EVC2: variants seen among roughly 807,000 people sequenced by gnomAD.
EVC2 encodes the protein EvC ciliary complex subunit 2, also known as limbin.
A neutral mutation model predicts 149.3 loss-of-function variants in EVC2; 148 were observed. That is an observed-to-expected ratio of 0.99 (90% CI 0.87 to 1.14). The LOEUF (loss-of-function observed/expected upper bound fraction) is 1.14. EVC2 is among the 50% of genes most tolerant of loss of function. The pLI is 0.00. For missense variants in EVC2, 1,854 were observed against 1,627.3 expected (o/e 1.14, Z -2.40); for synonymous variants, 776 against 649.9 (o/e 1.19, Z -2.95).
chr4:5,572,697 TAC>T (rs1722706750), intron 19 of EVC2, among the ~76,000 whole-genome samples: 1 of 152,214 alleles, frequency 6.6e-6, no homozygotes, highest in Non-Finnish European at 1.5e-5. Flanking sequence ...CTGAGATGCA[TAC>T]AGAGTTCACA....
At chr4:5,624,218 T>C (rs1467100409) in intron 13 of EVC2, among the ~76,000 whole-genome samples, 1 of 152,162 alleles carries the variant, frequency 6.6e-6, no homozygotes, top group Admixed American at 6.5e-5. Flanking sequence ...AAGATGTCCA[T>C]TATGGTGTTC....
rs1010552326 is a variant in EVC2 at position 5,615,555 on chromosome 4, G to A, written c.2707-11C>T. 3.1e-6 allele frequency: 5 copies of A among 1,614,052 alleles called. No individual in the cohort carries two copies. The African/African-American group carries it at 6.7e-5, about 22-fold the overall frequency. Reference sequence around the variant, plus strand: ...CACCTTGGACTGTTGCTGGAGAGGGGTTGGGGAAGACGTGGGTAAGAAGGC... The same window carrying A: ...CACCTTGGACTGTTGCTGGAGAGGGATTGGGGAAGACGTGGGTAAGAAGGC... On this transcript the variant is annotated splice_polypyrimidine_tract_variant and intron_variant, in intron 15 of 21. Coordinates refer to ENST00000344408, the MANE Select transcript of EVC2 (RefSeq NM_147127.5).
intron 5 of EVC2, among the ~76,000 whole-genome samples, chr4:5,688,920 T>C (rs1425528669): frequency 6.6e-6 from 1 of 152,310 alleles, no homozygotes; most frequent in East Asian, 1.9e-4. Flanking sequence ...CACAACTCTT[T>C]CCCCAAATCC....
chr4:5,660,307 G>T (rs1304266053), intron 9 of EVC2, among the ~76,000 whole-genome samples: 1 of 152,202 alleles, frequency 6.6e-6, no homozygotes, highest in East Asian at 1.9e-4. Flanking sequence ...GGCACTCTGT[G>T]AGGAAGGAGC....
At chr4:5,639,132 T>A (rs1039762618) in intron 10 of EVC2, among the ~76,000 whole-genome samples, 5 of 152,032 alleles carry the variant, frequency 3.3e-5, no homozygotes, top group Non-Finnish European at 7.4e-5. Flanking sequence ...CAGATGACCA[T>A]CTGTGAGTCA....
intron 7 of EVC2, among the ~76,000 whole-genome samples, chr4:5,676,700 A>G (rs542015690): frequency 6.6e-6 from 1 of 152,208 alleles, no homozygotes; most frequent in South Asian, 2.1e-4. Context: ...TTCAAGACCC[A>G]ATTGAATTCT....
Position 5,701,419 on chromosome 4 carries a change from C to T in EVC2, c.229-3772G>A, listed in dbSNP as rs562902201. Among the ~76,000 whole-genome samples, 28 of 152,288 alleles carry T rather than the reference C, an allele frequency of 1.8e-4. No homozygotes were observed. The East Asian group carries it at 4.1e-3, about 22-fold the overall frequency. ...GCATCTTGGGGAGCCATTATTCTGC[C>T]GACCATGGTGAGCCCCTTTCTCCCT... On this transcript the variant is annotated intron_variant, in intron 1 of 21. Transcript: ENST00000344408.
rs1722964620 is a variant in EVC2, at chr4:5,576,803, T to G, written c.3058-349A>C. Among the ~76,000 whole-genome samples, 1 of 152,206 alleles carries G rather than the reference T, an allele frequency of 6.6e-6. No individual in the cohort carries two copies. The highest frequency in any genetic ancestry group is 1.5e-5 in the Non-Finnish European group (1 of 68,026). On this transcript the variant is annotated intron_variant, in intron 17 of 21. Coordinates refer to ENST00000344408, the MANE Select transcript of EVC2 (RefSeq NM_147127.5). The surrounding 1 kb of genome is among the most constrained non-coding windows in gnomAD (Gnocchi z 4.5). ...CTTGGGAGACACAGATGCCCTCTCC[T>G]CATGTGCCCACTCACTACCCCTTGC... is the stretch of plus-strand genomic sequence containing the variant.
At chr4:5,654,263 G>A (rs1326194236) in intron 9 of EVC2, among the ~76,000 whole-genome samples, 1 of 151,098 alleles carries the variant, frequency 6.6e-6, no homozygotes, top group Non-Finnish European at 1.5e-5. Context: ...GGGAGAAGAG[G>A]AGGCCTGGAG....
Position 5,614,075 on chromosome 4 carries a change from G to A in EVC2, c.2829+1347C>T, listed in dbSNP as rs1201598706. On this transcript the variant is annotated intron_variant, in intron 16 of 21. Coordinates refer to ENST00000344408, the MANE Select transcript of EVC2 (RefSeq NM_147127.5). The surrounding 1 kb of genome is among the most constrained non-coding windows in gnomAD (Gnocchi z 4.7). ...TTCATTCACTGAACATACTCCTGTT[G>A]GGAATCCACCCTTTGCAGGGTGCTG... Among the ~76,000 whole-genome samples the A allele has an allele frequency of 6.6e-6, 1 of 152,140 alleles. No individual in the cohort carries two copies.
intron 20 of EVC2, among the ~76,000 whole-genome samples, chr4:5,568,222 C>G (rs1178402168): frequency 7.0e-6 from 1 of 142,400 alleles, no homozygotes; most frequent in Non-Finnish European, 1.5e-5. Flanking sequence ...TCTTCTTCCT[C>G]TTTTTATGCA....
At chr4:5,662,443 AAACT>A (rs1237988866) in intron 9 of EVC2, among the ~76,000 whole-genome samples, 4 of 147,112 alleles carry the variant, frequency 2.7e-5, no homozygotes, top group South Asian at 2.1e-4. Flanking sequence ...TTTATTGAAT[AAACT>A]AATTATTCAA....
At chr4:5,683,468 A>C (rs979609879) in intron 6 of EVC2, among the ~76,000 whole-genome samples, 2 of 152,226 alleles carry the variant, frequency 1.3e-5, no homozygotes, top group African/African-American at 4.8e-5. Flanking sequence ...ACATGGACCA[A>C]GTGGGATTCA....
chr4:5,568,390 G>T, intron 20 of EVC2, 54 bp downstream of exon 20: 1 of 1,519,288 alleles, frequency 6.6e-7, no homozygotes, highest in South Asian at 1.2e-5. Context: ...GGACTCATGG[G>T]GACCCTTGTG....
intron 16 of EVC2, among the ~76,000 whole-genome samples, chr4:5,611,764 G>A (rs996146949): frequency 1.3e-5 from 2 of 152,064 alleles, no homozygotes; most frequent in African/African-American, 4.8e-5. Context: ...TGGTTGTGAA[G>A]ATAAGTAATC....
At chr4:5,535,829 A>G in the EVC2 span, among the ~76,000 whole-genome samples, 2 of 152,154 alleles carry the variant, frequency 1.3e-5, no homozygotes, top group African/African-American at 4.8e-5. This position sits in a 1 kb window ranked among gnomAD's most constrained non-coding sequence, Gnocchi z 4.7. Context: ...AGCAGAAATC[A>G]TTAGGAGGGA....
In EVC2 at chr4:5,569,903, C is replaced by T. The variant is rs949004330; in HGVS notation, c.3361-1263G>A. ...TCCATGGCCTCCCTCCACTGTCACACTGAAATACTTGTTCTTCCCTGACCG... is the reference window on the plus strand; with the variant it reads ...TCCATGGCCTCCCTCCACTGTCACATTGAAATACTTGTTCTTCCCTGACCG... On this transcript the variant is annotated intron_variant, in intron 19 of 21. Transcript: ENST00000344408. The surrounding 1 kb of genome is among the most constrained non-coding windows in gnomAD (Gnocchi z 4.8). Among the ~76,000 whole-genome samples, 2 of 152,206 alleles carry T rather than the reference C, an allele frequency of 1.3e-5. No homozygotes were observed. Among genetic ancestry groups the T allele is most frequent in the Admixed American group, 6.5e-5 (1 of 15,282 alleles).
rs955333101 is a variant in EVC2 at position 5,618,575 on chromosome 4, T to C, written c.2609A>G (p.Lys870Arg). 6.2e-6 allele frequency: 10 copies of C among 1,614,042 alleles called. No individual in the cohort carries two copies. Among genetic ancestry groups the C allele is most frequent in the Admixed American group, 1.7e-5 (1 of 59,998 alleles). ...CTGCAGCAGAACTCGGGCCCGGATC[T>C]TGGGGAGGGCCAAGCTCCTGTCCAT... ...AQMDRSLALPKIRARVLLQQF... is the reference protein window; with the variant it reads ...AQMDRSLALPRIRARVLLQQF... Residue 870 changes from lysine (K) to arginine (R), a missense_variant, in exon 15 of 22, where the codon AAG becomes AGG. Physicochemically the swap from Lys to Arg is conservative, Grantham distance 26. Transcript: ENST00000344408. The surrounding 1 kb of genome is among the most constrained non-coding windows in gnomAD (Gnocchi z 4.4).
chr4:5,697,170 A>T (rs540805090), intron 2 of EVC2, among the ~76,000 whole-genome samples: 41 of 152,330 alleles, frequency 2.7e-4, no homozygotes, highest in Admixed American at 1.9e-3. Flanking sequence ...GAACCTCCAG[A>T]GGGAGCAGAC....
Sources: gnomAD v4.1 joint callset for allele counts (sites outside exome capture counted in the v4.1 genomes callset) on GRCh38, gnomAD v4.1.1 for gene constraint, Gnocchi (gnomAD v3.1) non-coding constraint, MANE v1.5 for transcripts, NCBI Gene and HGNC (gene_info 2026-07-23, HGNC 2026-07-21) for gene names.